Variants in COG5 observed in about 807,000 individuals in gnomAD.
The protein encoded by COG5 is component of oligomeric golgi complex 5.
COG5 carries 86 observed loss-of-function variants against 110.4 expected under a neutral mutation model. The ratio of observed to expected loss-of-function variants is 0.78; its 90% CI spans 0.65 to 0.93. The LOEUF is 0.93. Ranked by LOEUF, COG5 falls within the 40% of genes least tolerant of loss-of-function variation. COG5 has a pLI of 0.00. For missense variants in COG5, 1,077 were observed against 987.0 expected (o/e 1.09, Z -1.22); for synonymous variants, 360 against 334.6 (o/e 1.08, Z -0.83).
intron 6 of COG5, among the ~76,000 whole-genome samples, chr7:107,440,711 A>G (rs1794654959): frequency 6.6e-6 from 1 of 152,154 alleles, no homozygotes; most frequent in Non-Finnish European, 1.5e-5. Context: ...TCGTTATGTA[A>G]TGGAACCTCC....
At chr7:107,346,284 C>T (rs1478853128) in intron 10 of COG5, among the ~76,000 whole-genome samples, 2 of 152,082 alleles carry the variant, frequency 1.3e-5, no homozygotes, top group Non-Finnish European at 2.9e-5. Flanking sequence ...TCATTTAAAA[C>T]TACTGAAGGA....
chr7:107,344,229 A>AT (rs1396122558), intron 10 of COG5, among the ~76,000 whole-genome samples: 2 of 152,180 alleles, frequency 1.3e-5, no homozygotes, highest in African/African-American at 4.8e-5. Context: ...TTCATTGATG[A>AT]TTTTAGCTAG....
At chr7:107,245,615 T>C (rs1447813899) in intron 17 of COG5, among the ~76,000 whole-genome samples, 1 of 152,046 alleles carries the variant, frequency 6.6e-6, no homozygotes, top group Non-Finnish European at 1.5e-5. Context: ...CCATTCATAA[T>C]TGTCAAAAAA....
At chr7:107,245,905 AAG>A (rs1466346223) in intron 17 of COG5, among the ~76,000 whole-genome samples, 3 of 152,222 alleles carry the variant, frequency 2.0e-5, no homozygotes, top group Non-Finnish European at 4.4e-5. Flanking sequence ...CTGAATAGCC[AAG>A]GCAATCCTAA....
intron 11 of COG5, among the ~76,000 whole-genome samples, chr7:107,303,868 T>C (rs1347319318): frequency 6.6e-6 from 1 of 152,220 alleles, no homozygotes; most frequent in Non-Finnish European, 1.5e-5. Context: ...AAATAATTTA[T>C]ACAAGGAAAA....
At chr7:107,353,239 C>A (rs1341754782) in intron 10 of COG5, among the ~76,000 whole-genome samples, 1 of 151,828 alleles carries the variant, frequency 6.6e-6, no homozygotes, top group Non-Finnish European at 1.5e-5. Context: ...TCCTGGCTAA[C>A]ACGGTGAAAC....
chr7:107,557,814 T>C (rs1803436200), intron 2 of COG5, among the ~76,000 whole-genome samples, 162 bp downstream of exon 2: 1 of 152,216 alleles, frequency 6.6e-6, no homozygotes, highest in Non-Finnish European at 1.5e-5. Flanking sequence ...AAACAAAAAG[T>C]GGTTTACAGA....
At position 107,211,205 on chromosome 7, in the gene COG5, C is replaced by T. The variant is rs924478601; in HGVS notation, c.2189G>A (p.Ser730Asn). ...TGCAGGACTACTGGCTACATGTTCA[C>T]TTGCCTGGAAGAGCAGAGGTCTAGA... ...RSFRPLLFQA[S>N]EHVASSPALG... is the part of the protein sequence containing the mutation. Residue 730 changes from serine (S) to asparagine (N), a missense_variant, in exon 20 of 22, where the codon AGT becomes AAT. Ser to Asn is a conservative substitution (Grantham distance 46). Transcript: ENST00000297135. The T allele has an allele frequency of 6.2e-7, 1 of 1,614,118 alleles. No homozygotes were observed. Among genetic ancestry groups the T allele is most frequent in the African/African-American group, 1.3e-5 (1 of 75,026 alleles).
intron 9 of COG5, 67 bp from the exon 10 acceptor site, chr7:107,362,177 C>G (rs553283920): frequency 1.5e-6 from 2 of 1,364,190 alleles, no homozygotes; most frequent in African/African-American, 2.9e-5. Flanking sequence ...GCAACCTTTA[C>G]GTACATTATC....
chr7:107,324,624 A>T, intron 10 of COG5, 103 bp from the exon 11 acceptor site: 2 of 645,058 alleles, frequency 3.1e-6, no homozygotes, highest in Non-Finnish European at 5.4e-6. Flanking sequence ...TAAAATTTAA[A>T]TAAAAATTTT....
chr7:107,442,185 T>C (rs1158129128), intron 6 of COG5, among the ~76,000 whole-genome samples: 1 of 152,168 alleles, frequency 6.6e-6, no homozygotes, highest in Non-Finnish European at 1.5e-5. Context: ...TCAAGAGATT[T>C]GGCTGTTTAA....
At position 107,474,108 on chromosome 7, in the gene COG5, C is replaced by T. The variant is rs746134385; in HGVS notation, c.538+53129G>A. 1 of 1,604,810 alleles carries T rather than the reference C, an allele frequency of 6.2e-7. No individual in the cohort carries two copies. The highest frequency in any genetic ancestry group is 1.7e-5 in the Admixed American group (1 of 59,246). ...AAATCAACATGCAGTCTGAATCTAACATTACAGTGCGAGATGACATTGATG... is the reference window on the plus strand; with the variant it reads ...AAATCAACATGCAGTCTGAATCTAATATTACAGTGCGAGATGACATTGATG... On this transcript the variant is annotated intron_variant, in intron 6 of 21. Transcript: ENST00000297135. The surrounding 1 kb of genome is among the most constrained non-coding windows in gnomAD (Gnocchi z 5.7).
At chr7:107,279,511 T>TA (rs1002234293) in intron 14 of COG5, among the ~76,000 whole-genome samples, 2 of 152,058 alleles carry the variant, frequency 1.3e-5, no homozygotes, top group South Asian at 2.1e-4. Context: ...CAAATTATTC[T>TA]AAAAAAATAG....
intron 16 of COG5, 45 bp downstream of exon 16, chr7:107,256,687 C>G (rs1802902911): frequency 2.2e-6 from 3 of 1,389,364 alleles, no homozygotes; most frequent in Non-Finnish European, 3.1e-6. Context: ...ACAAATAATC[C>G]TAAAACCACT....
intron 6 of COG5, among the ~76,000 whole-genome samples, chr7:107,432,369 T>C (rs954687110): frequency 6.6e-6 from 1 of 152,068 alleles, no homozygotes; most frequent in African/African-American, 2.4e-5. Flanking sequence ...ACTGATAAAA[T>C]ATGCCAGGCT....
chr7:107,360,080 T>G (rs1812971939), intron 10 of COG5, among the ~76,000 whole-genome samples: 1 of 150,996 alleles, frequency 6.6e-6, no homozygotes, highest in Non-Finnish European at 1.5e-5. Flanking sequence ...CTAACCACTC[T>G]AGGTCTCCTC....
At chr7:107,222,922 T>C (rs1409526379) in intron 19 of COG5, among the ~76,000 whole-genome samples, 1 of 152,144 alleles carries the variant, frequency 6.6e-6, no homozygotes, top group Non-Finnish European at 1.5e-5. Context: ...CTCAGCAAGA[T>C]TCACATTTAA....
chr7:107,335,386 T>A (rs1810619223), intron 10 of COG5, among the ~76,000 whole-genome samples: 1 of 152,146 alleles, frequency 6.6e-6, no homozygotes, highest in East Asian at 1.9e-4. Flanking sequence ...CAAGACTTCA[T>A]CTCAAAAAGT....
At chr7:107,558,136 G>A in intron 1 of COG5, 21 bp from the exon 2 acceptor site, 1 of 1,611,844 alleles carries the variant, frequency 6.2e-7, no homozygotes. Flanking sequence ...GAAAAAATAA[G>A]GAAAAGTCCT....
Sources: gnomAD v4.1 joint callset for allele counts (sites outside exome capture counted in the v4.1 genomes callset) on GRCh38, gnomAD v4.1.1 for gene constraint, Gnocchi (gnomAD v3.1) non-coding constraint, MANE v1.5 for transcripts, NCBI Gene and HGNC (gene_info 2026-07-23, HGNC 2026-07-21) for gene names.